The following ACBD6 variants were observed in gnomAD, a reference collection of about 807,000 sequenced individuals.
ACBD6 encodes the protein acyl-CoA binding domain containing 6.
Under a neutral mutation model 37.2 loss-of-function variants are expected in ACBD6, and 28 were observed. That is an observed-to-expected ratio of 0.75 (90% CI 0.56 to 1.03). The LOEUF is 1.03. Ranked by LOEUF, ACBD6 falls within the 50% of genes least tolerant of loss-of-function variation. The pLI, the probability that ACBD6 is intolerant of heterozygous loss-of-function variation, is 0.00. For synonymous variants in ACBD6, 113 were observed against 126.8 expected, an observed-to-expected ratio of 0.89 and a Z score of 0.73; for missense variants, 340 against 337.4, an observed-to-expected ratio of 1.01 and a Z score of -0.06.
intron 3 of ACBD6, chr1:180,434,706 C>G (rs1330796165): frequency 4.3e-6 from 2 of 464,824 alleles, no homozygotes; most frequent in Non-Finnish European, 8.0e-6. Context: ...CTTTCCAAAC[C>G]AAACCAATGT....
At chr1:180,360,431 G>A (rs74790526) in intron 6 of ACBD6, among the ~76,000 whole-genome samples, 2,991 of 152,208 alleles carry the variant, frequency 0.02, 101 homozygotes, top group African/African-American at 0.067. Flanking sequence ...CTTGGCCAGT[G>A]GTTCTCCAAC....
chr1:180,487,416 C>T (rs1651314738), intron 3 of ACBD6, among the ~76,000 whole-genome samples: 1 of 152,160 alleles, frequency 6.6e-6, no homozygotes, highest in African/African-American at 2.4e-5. Flanking sequence ...ACGCCCTCCA[C>T]TCCAACCCAC....
At chr1:180,364,730 T>A (rs1434896944) in intron 6 of ACBD6, among the ~76,000 whole-genome samples, 19 of 116,178 alleles carry the variant, frequency 1.6e-4, no homozygotes, top group African/African-American at 4.4e-4. Flanking sequence ...TTAAATTCCT[T>A]TCTATCTTTT....
intron 1 of ACBD6, among the ~76,000 whole-genome samples, chr1:180,495,978 CA>C (rs1317883777): frequency 6.6e-6 from 1 of 152,062 alleles, no homozygotes; most frequent in Non-Finnish European, 1.5e-5. Context: ...TTTAACTCTC[CA>C]AAATTCCAGG....
At chr1:180,495,620 AG>A in intron 1 of ACBD6, 95 bp from the exon 2 acceptor site, 1 of 962,146 alleles carries the variant, frequency 1.0e-6, no homozygotes, top group Non-Finnish European at 1.6e-6. Context: ...CAGTAACCAT[AG>A]GTTGGAAAAT....
In ACBD6 at chr1:180,288,450, T is replaced by A; in HGVS notation, c.762A>T (p.Arg254=). Residue 254 remains arginine (R), a synonymous_variant, in exon 8 of 8, where the codon CGA becomes CGT. Transcript: ENST00000367595. ...CCTCTGGCAGGCAGCCATCCTGGTC[T>A]CGGAGAGTGGGGTCAGCACCAGACT... ...LLQSGADPTL[R]DQDGCLPEEV... is the part of the protein sequence containing the mutation. 6.2e-7 allele frequency: 1 copy of A among 1,613,816 alleles called. No homozygotes were observed. The highest frequency in any genetic ancestry group is 8.5e-7 in the Non-Finnish European group (1 of 1,179,970).
At chr1:180,412,379 A>G (rs1436372458) in intron 5 of ACBD6, among the ~76,000 whole-genome samples, 1 of 152,178 alleles carries the variant, frequency 6.6e-6, no homozygotes, top group Non-Finnish European at 1.5e-5. Flanking sequence ...TATTCTACAG[A>G]TTATCTATGA....
chr1:180,309,873 ATTAGGGTTTAGAACAGCCAGCTC>A (rs560233272), intron 7 of ACBD6, among the ~76,000 whole-genome samples: 208 of 152,248 alleles, frequency 1.4e-3, no homozygotes, highest in Non-Finnish European at 1.5e-3. Flanking sequence ...TGGGTGGAAA[ATTAGGGTTTAGAACAGCCAGCTC>A]TTGATAATAC....
chr1:180,395,208 G>A (rs1412371438), intron 6 of ACBD6, among the ~76,000 whole-genome samples: 2 of 152,170 alleles, frequency 1.3e-5, no homozygotes, highest in Non-Finnish European at 2.9e-5. Flanking sequence ...CAATTATGGT[G>A]AGTAGTGGGC....
intron 3 of ACBD6, among the ~76,000 whole-genome samples, chr1:180,453,257 TCA>T (rs1405148874): frequency 1.3e-5 from 2 of 152,234 alleles, no homozygotes; most frequent in East Asian, 3.8e-4. Flanking sequence ...CAAGGCTGGT[TCA>T]ACATATGCAA....
intron 5 of ACBD6, among the ~76,000 whole-genome samples, chr1:180,408,046 T>C (rs1211328757): frequency 6.6e-6 from 1 of 152,136 alleles, no homozygotes; most frequent in Middle Eastern, 3.2e-3. Context: ...AAATATCAGA[T>C]AAACATAAAG....
chr1:180,475,056 C>G (rs778898932), intron 3 of ACBD6, among the ~76,000 whole-genome samples: 1 of 152,140 alleles, frequency 6.6e-6, no homozygotes, highest in Non-Finnish European at 1.5e-5. Flanking sequence ...ATTTAAAAAT[C>G]CATTAAGCCA....
intron 4 of ACBD6, among the ~76,000 whole-genome samples, chr1:180,427,292 A>T (rs1469973590): frequency 3.3e-5 from 5 of 152,216 alleles, no homozygotes; most frequent in Non-Finnish European, 7.3e-5. Flanking sequence ...AAAATACATT[A>T]TTTTATGTCC....
chr1:180,372,052 C>A (rs942121372), intron 6 of ACBD6, among the ~76,000 whole-genome samples: 8 of 152,106 alleles, frequency 5.3e-5, no homozygotes, highest in African/African-American at 1.7e-4. Context: ...AAGTGTTATA[C>A]TAATTAAGTT....
At chr1:180,343,475 CT>C (rs999599452) in intron 6 of ACBD6, among the ~76,000 whole-genome samples, 3 of 152,122 alleles carry the variant, frequency 2.0e-5, no homozygotes, top group Admixed American at 2.0e-4. Context: ...TCCATTTGGC[CT>C]GTTTTTCTCT....
At chr1:180,340,024 A>G (rs1651916494) in intron 6 of ACBD6, among the ~76,000 whole-genome samples, 1 of 152,158 alleles carries the variant, frequency 6.6e-6, no homozygotes, top group Non-Finnish European at 1.5e-5. Flanking sequence ...GAACAAGATG[A>G]GCAAGTGCAA....
At chr1:180,459,195 A>G (rs1382646162) in intron 3 of ACBD6, among the ~76,000 whole-genome samples, 1 of 152,220 alleles carries the variant, frequency 6.6e-6, no homozygotes, top group East Asian at 1.9e-4. Flanking sequence ...AGAAATCTCT[A>G]ATATTTTAGT....
At chr1:180,424,522 T>C (rs1211794794) in intron 4 of ACBD6, among the ~76,000 whole-genome samples, 2 of 152,078 alleles carry the variant, frequency 1.3e-5, no homozygotes, top group Non-Finnish European at 2.9e-5. Context: ...TTAGATGAGA[T>C]GGTAAGGGGT....
intron 7 of ACBD6, among the ~76,000 whole-genome samples, chr1:180,296,446 A>G (rs1298946292): frequency 2.6e-5 from 4 of 152,196 alleles, no homozygotes; most frequent in African/African-American, 9.6e-5. Context: ...TTTCTTTTCT[A>G]TTAGACAGAG....
Sources: gnomAD v4.1 joint callset for allele counts (sites outside exome capture counted in the v4.1 genomes callset) on GRCh38, gnomAD v4.1.1 for gene constraint, MANE v1.5 for transcripts, NCBI Gene and HGNC (gene_info 2026-07-23, HGNC 2026-07-21) for gene names.